ARHGDIB: variants seen among roughly 807,000 people sequenced by gnomAD.
ARHGDIB encodes the protein rho GDP-dissociation inhibitor 2.
In ARHGDIB, 20 loss-of-function variants were observed where a neutral mutation model predicts 22.6. The ratio of observed to expected loss-of-function variants is 0.88; its 90% CI spans 0.62 to 1.28. The LOEUF (loss-of-function observed/expected upper bound fraction) is 1.28. ARHGDIB is among the 50% of genes most tolerant of loss of function. The probability of loss-of-function intolerance (pLI) is 0.00; values close to 1 mark genes in which losing one functional copy is unlikely to be tolerated. For missense variants in ARHGDIB, 254 were observed against 245.4 expected, an observed-to-expected ratio of 1.04 and a Z score of -0.23; for synonymous variants, 114 against 96.1, an observed-to-expected ratio of 1.19 and a Z score of -1.09.
At chr12:14,953,895 C>A (rs1864239893) in intron 1 of ARHGDIB, among the ~76,000 whole-genome samples, 2 of 151,464 alleles carry the variant, frequency 1.3e-5, no homozygotes, top group South Asian at 4.2e-4. Context: ...CTCTCTCTCT[C>A]CCTTCTTTCT....
Position 14,942,190 on chromosome 12 carries a change from G to T in ARHGDIB, c.*332C>A, listed in dbSNP as rs920289823. 1.3e-5 allele frequency: 4 copies of T among 298,764 alleles called. No homozygotes were observed. The highest frequency in any genetic ancestry group is 2.6e-5 in the Non-Finnish European group (4 of 153,192). The allele number at this position is 298,764 out of a possible 1,614,324, so 18.5% of individuals were successfully genotyped here. ...ATGAACTACTGGAACCTGAGTCAAAGACCTGTTAGTGATAATTTGCCCATT... is the reference window on the plus strand; with the variant it reads ...ATGAACTACTGGAACCTGAGTCAAATACCTGTTAGTGATAATTTGCCCATT... On this transcript the variant is annotated 3_prime_UTR_variant, in exon 6 of 6. Transcript: ENST00000228945.
chr12:14,946,348 T>C (rs763180766), intron 4 of ARHGDIB, among the ~76,000 whole-genome samples: 4 of 152,202 alleles, frequency 2.6e-5, no homozygotes, highest in Non-Finnish European at 5.9e-5. Flanking sequence ...AAAAAGAACA[T>C]TGAGTGCAAC....
chr12:14,942,993 C>T (rs539290181), intron 5 of ARHGDIB, among the ~76,000 whole-genome samples: 3 of 152,014 alleles, frequency 2.0e-5, no homozygotes, highest in Admixed American at 1.3e-4. Flanking sequence ...CTCAACCTCC[C>T]GAGCAGCTGG....
chr12:14,944,941 A>C, intron 4 of ARHGDIB, 102 bp from the exon 5 acceptor site: 1 of 936,794 alleles, frequency 1.1e-6, no homozygotes, highest in South Asian at 1.9e-5. Context: ...CTGACAATGA[A>C]AAAACTAAAG....
intron 5 of ARHGDIB, among the ~76,000 whole-genome samples, chr12:14,943,204 A>G (rs187479755): frequency 6.6e-6 from 1 of 152,214 alleles, no homozygotes; most frequent in Admixed American, 6.5e-5. Flanking sequence ...TCTTTAAAAC[A>G]TTTTTTAAGT....
rs117236382 is a variant in ARHGDIB at position 14,947,255 on chromosome 12, T to G, written c.342+618A>C. On this transcript the variant is annotated intron_variant, in intron 4 of 5. Coordinates refer to ENST00000228945, the MANE Select transcript of ARHGDIB (RefSeq NM_001175.7). ...TTGGCTGCTCATTGGGATATATGGC[T>G]CATTGGGATATATTAGATGTCAGTT... Among the ~76,000 whole-genome samples, 969 of 152,342 alleles carry G rather than the reference T, an allele frequency of 6.4e-3. 5 individuals carry two copies. The highest frequency in any genetic ancestry group is 1.0e-2 in the Non-Finnish European group (679 of 68,024).
intron 1 of ARHGDIB, among the ~76,000 whole-genome samples, chr12:14,953,777 G>A (rs1201252862): frequency 6.6e-6 from 1 of 152,118 alleles, no homozygotes; most frequent in African/African-American, 2.4e-5. Context: ...GAAGCAGAGA[G>A]TGGAGTGTTA....
chr12:14,951,367 T>A (rs570935948), intron 1 of ARHGDIB, among the ~76,000 whole-genome samples: 6 of 152,210 alleles, frequency 3.9e-5, no homozygotes, highest in Non-Finnish European at 8.8e-5. Flanking sequence ...AGGTTTGCTG[T>A]TTTTCTTGAA....
At position 14,955,788 on chromosome 12, in the gene ARHGDIB, T is replaced by C. The variant is rs146354573; in HGVS notation, c.-12-5064A>G. ...TCTTTTTATCCTCCTATTTTATGGATGTGTGTTGAAATGAGAATAGGAATT... is the reference window on the plus strand; with the variant it reads ...TCTTTTTATCCTCCTATTTTATGGACGTGTGTTGAAATGAGAATAGGAATT... On this transcript the variant is annotated intron_variant, in intron 1 of 5. Transcript: ENST00000228945. Among the ~76,000 whole-genome samples, 432 of 152,346 alleles carry C rather than the reference T, an allele frequency of 2.8e-3. 2 individuals carry two copies. The highest frequency in any genetic ancestry group is 5.3e-3 in the Non-Finnish European group (358 of 68,032).
intron 1 of ARHGDIB, among the ~76,000 whole-genome samples, chr12:14,959,998 C>A (rs537319379): frequency 6.6e-6 from 1 of 152,174 alleles, no homozygotes; most frequent in East Asian, 1.9e-4. Context: ...ATTCACGATG[C>A]CTGCTAGGGA....
intron 5 of ARHGDIB, among the ~76,000 whole-genome samples, chr12:14,943,786 CA>C (rs1295242158): frequency 6.6e-6 from 1 of 152,110 alleles, no homozygotes; most frequent in East Asian, 1.9e-4. Flanking sequence ...TATACATAGG[CA>C]GATAGGTGGC....
intron 1 of ARHGDIB, among the ~76,000 whole-genome samples, chr12:14,955,149 T>C (rs778594011): frequency 6.6e-6 from 1 of 152,212 alleles, no homozygotes; most frequent in African/African-American, 2.4e-5. Context: ...ACTGAACACT[T>C]GTGAGCCAAA....
At chr12:14,956,316 G>T (rs1434065502) in intron 1 of ARHGDIB, 1 of 152,168 alleles carries the variant, frequency 6.6e-6, no homozygotes, top group African/African-American at 2.4e-5. Context: ...TAACCTCACT[G>T]GGCCCCAGTT....
intron 5 of ARHGDIB, among the ~76,000 whole-genome samples, chr12:14,943,156 C>A (rs928695514): frequency 3.9e-5 from 6 of 152,280 alleles, no homozygotes; most frequent in Admixed American, 6.5e-5. Context: ...GTGTGAGCCA[C>A]CGCACCTGGC....
intron 2 of ARHGDIB, 61 bp downstream of exon 2, chr12:14,950,471 C>A: frequency 6.7e-7 from 1 of 1,500,220 alleles, no homozygotes; most frequent in Non-Finnish European, 9.0e-7. Context: ...TCCTGAGCAG[C>A]CAAAATGTCT....
intron 1 of ARHGDIB, among the ~76,000 whole-genome samples, chr12:14,955,659 T>A (rs1864285388): frequency 6.6e-6 from 1 of 152,214 alleles, no homozygotes; most frequent in Non-Finnish European, 1.5e-5. Context: ...TATTTCTGGG[T>A]AACCTCAGTT....
intron 3 of ARHGDIB, among the ~76,000 whole-genome samples, chr12:14,948,475 G>A (rs1398632765): frequency 1.3e-5 from 2 of 152,080 alleles, no homozygotes; most frequent in Non-Finnish European, 2.9e-5. Context: ...TTAAGAAAAT[G>A]TTCACCTTTG....
chr12:14,956,968 C>T (rs979006280), intron 1 of ARHGDIB, among the ~76,000 whole-genome samples: 11 of 152,200 alleles, frequency 7.2e-5, no homozygotes, highest in Admixed American at 5.2e-4. Context: ...TAAAAATTTA[C>T]ACCCATGTCA....
chr12:14,954,777 G>T (rs1348179979), intron 1 of ARHGDIB, among the ~76,000 whole-genome samples: 2 of 152,064 alleles, frequency 1.3e-5, no homozygotes, highest in African/African-American at 4.8e-5. Flanking sequence ...TCTGTGTTTT[G>T]TTATTTAAAA....
Sources: gnomAD v4.1 joint callset for allele counts (sites outside exome capture counted in the v4.1 genomes callset) on GRCh38, gnomAD v4.1.1 for gene constraint, MANE v1.5 for transcripts, NCBI Gene and HGNC (gene_info 2026-07-23, HGNC 2026-07-21) for gene names.